PTER: variants seen among roughly 807,000 people sequenced by gnomAD.
PTER encodes phosphotriesterase related, also known as N-acetyltaurine hydrolase.
In PTER, 38 loss-of-function variants were observed where a neutral mutation model predicts 29.6. The observed-to-expected ratio is 1.28, with a 90% confidence interval of 0.99 to 1.68. The LOEUF (loss-of-function observed/expected upper bound fraction) is 1.68, where lower values mean the gene tolerates loss of function less well. Ranked by LOEUF, PTER falls within the 40% of genes most tolerant of loss-of-function variation. PTER has a pLI of 0.00. For synonymous variants in PTER, 172 were observed against 154.5 expected (o/e 1.11, Z -0.84); for missense variants, 482 against 427.8 (o/e 1.13, Z -1.12).
At chr10:16,511,013 A>G (rs1482615004) in intron 4 of PTER, 33 bp from the exon 5 acceptor site, 8 of 1,575,046 alleles carry the variant, frequency 5.1e-6, no homozygotes, top group Non-Finnish European at 5.2e-6. Context: ...AATGAAAGAC[A>G]AATGACATCT....
intron 1 of PTER, among the ~76,000 whole-genome samples, chr10:16,479,821 C>T (rs1571770): frequency 0.26 from 39,012 of 151,410 alleles, 5,229 homozygotes; most frequent in East Asian, 0.42. Context: ...GCAGGTACAA[C>T]GGGCCCCCTC....
At chr10:16,467,549 T>G (rs991188499) in intron 1 of PTER, among the ~76,000 whole-genome samples, 3 of 152,184 alleles carry the variant, frequency 2.0e-5, no homozygotes, top group Admixed American at 6.6e-5. Flanking sequence ...CAGTGACTCA[T>G]GCCTGTAATC....
chr10:16,483,248 A>G (rs1258271663), intron 1 of PTER, among the ~76,000 whole-genome samples: 1 of 152,240 alleles, frequency 6.6e-6, no homozygotes, highest in Non-Finnish European at 1.5e-5. Context: ...TTTTAGAGAT[A>G]GCCGATTTCA....
intron 1 of PTER, among the ~76,000 whole-genome samples, chr10:16,473,518 C>CCAAAAAA (rs1835132602): frequency 3.2e-5 from 2 of 61,864 alleles, no homozygotes; most frequent in Non-Finnish European, 6.3e-5. Flanking sequence ...AGACTCCATC[C>CCAAAAAA]GAAAAAAAAA....
In PTER at chr10:16,482,333, C is replaced by T. The variant is rs927712740; in HGVS notation, c.-48-2004C>T. ...GTACTATACCCTTCACAAATTTTCC[C>T]CTTTGTTCCCCCAAATCATCTCCCC... On this transcript the variant is annotated intron_variant, in intron 1 of 4. Transcript: ENST00000535784. Among the ~76,000 whole-genome samples the T allele has an allele frequency of 6.6e-5, 10 of 152,268 alleles. No homozygotes were observed. The South Asian group carries it at 8.3e-4, about 13-fold the overall frequency.
chr10:16,493,587 C>T (rs1835984158), intron 3 of PTER, among the ~76,000 whole-genome samples: 1 of 151,850 alleles, frequency 6.6e-6, no homozygotes, highest in South Asian at 2.1e-4. Flanking sequence ...TATTTTTAAC[C>T]CTAAAGTGTT....
chr10:16,491,462 G>T (rs79427384), intron 3 of PTER, among the ~76,000 whole-genome samples: 2 of 152,052 alleles, frequency 1.3e-5, no homozygotes, highest in African/African-American at 2.4e-5. Context: ...CTGTGCATAC[G>T]ATCTGAGCCG....
At chr10:16,485,768 A>G (rs1382573481) in intron 2 of PTER, among the ~76,000 whole-genome samples, 1 of 152,182 alleles carries the variant, frequency 6.6e-6, no homozygotes, top group Admixed American at 6.5e-5. Context: ...GCTGTCTATG[A>G]TAAAAGACTG....
At chr10:16,488,884 A>G (rs1456184345) in intron 3 of PTER, among the ~76,000 whole-genome samples, 1 of 152,192 alleles carries the variant, frequency 6.6e-6, no homozygotes, top group Non-Finnish European at 1.5e-5. Flanking sequence ...GACTATAGGC[A>G]TATGCCATTG....
intron 1 of PTER, among the ~76,000 whole-genome samples, chr10:16,452,470 T>C (rs1342308715): frequency 2.6e-5 from 4 of 151,710 alleles, no homozygotes; most frequent in Non-Finnish European, 5.9e-5. Flanking sequence ...CTCAGCTAAT[T>C]TTTGTATTTT....
intron 1 of PTER, among the ~76,000 whole-genome samples, chr10:16,457,530 A>G (rs766734684): frequency 6.6e-6 from 1 of 151,822 alleles, no homozygotes; most frequent in African/African-American, 2.4e-5. Flanking sequence ...TTGATTATTA[A>G]GCATTTCTTC....
intron 1 of PTER, among the ~76,000 whole-genome samples, chr10:16,480,855 G>T (rs1270880312): frequency 6.6e-6 from 1 of 152,202 alleles, no homozygotes; most frequent in Non-Finnish European, 1.5e-5. Context: ...TAAGTATTTT[G>T]TAGAAGTTGA....
At chr10:16,491,633 A>G (rs1835901879) in intron 3 of PTER, among the ~76,000 whole-genome samples, 1 of 152,068 alleles carries the variant, frequency 6.6e-6, no homozygotes, top group Non-Finnish European at 1.5e-5. Flanking sequence ...AAATCATTTC[A>G]TTTCCCCCAT....
rs201649887 is a variant in PTER at position 16,484,757 on chromosome 10, G to A, written c.373G>A (p.Ala125Thr). The change falls in exon 2 of 5, where the codon GCC (alanine) becomes ACC (threonine). Residue 125 changes from alanine to threonine, a missense_variant. Coordinates refer to ENST00000535784, the MANE Select transcript of PTER (RefSeq NM_001261836.2). ...EETGVHIISG[A>T]GFYVDATHSS... ...GACTGGCGTCCATATCATATCTGGA[G>A]CCGGGTTTTATGTGGATGCAACTCA... The A allele has an allele frequency of 1.9e-6, 3 of 1,613,682 alleles. No individual in the cohort carries two copies. Among genetic ancestry groups the A allele is most frequent in the South Asian group, 1.1e-5 (1 of 90,988 alleles).
At chr10:16,488,648 G>C (rs142047568) in intron 3 of PTER, among the ~76,000 whole-genome samples, 2,208 of 151,734 alleles carry the variant, frequency 0.015, 47 homozygotes, top group African/African-American at 0.05. Flanking sequence ...CTGTTGCCCA[G>C]GCTGGAGTGC....
intron 1 of PTER, among the ~76,000 whole-genome samples, chr10:16,457,238 A>T (rs1834436291): frequency 6.6e-6 from 1 of 151,846 alleles, no homozygotes; most frequent in African/African-American, 2.4e-5. Flanking sequence ...TTTGAGATGG[A>T]GTCTCACTCT....
intron 1 of PTER, among the ~76,000 whole-genome samples, chr10:16,449,427 T>C (rs1834126206): frequency 8.0e-6 from 1 of 124,556 alleles, no homozygotes; most frequent in African/African-American, 3.4e-5. Flanking sequence ...ACAATAATTT[T>C]CTTTTTTTTT....
At chr10:16,480,903 A>C (rs1835457705) in intron 1 of PTER, among the ~76,000 whole-genome samples, 1 of 152,260 alleles carries the variant, frequency 6.6e-6, no homozygotes, top group South Asian at 2.1e-4. Flanking sequence ...TATTTTAAAC[A>C]TGCGTATTTT....
intron 1 of PTER, among the ~76,000 whole-genome samples, chr10:16,476,880 C>T (rs987309114): frequency 3.3e-5 from 5 of 149,542 alleles, no homozygotes; most frequent in Admixed American, 2.7e-4. Flanking sequence ...TTTATTCAAA[C>T]CACCCCTCCA....
Sources: gnomAD v4.1 joint callset for allele counts (sites outside exome capture counted in the v4.1 genomes callset) on GRCh38, gnomAD v4.1.1 for gene constraint, MANE v1.5 for transcripts, NCBI Gene and HGNC (gene_info 2026-07-23, HGNC 2026-07-21) for gene names.